IGSF9B: variants seen among roughly 807,000 people sequenced by gnomAD.
IGSF9B encodes immunoglobulin superfamily member 9B.
In IGSF9B, 48 loss-of-function variants were observed where a neutral mutation model predicts 143.7. The observed-to-expected ratio is 0.33, with a 90% CI of 0.26 to 0.42. The LOEUF (loss-of-function observed/expected upper bound fraction) is 0.42, where lower values mean the gene tolerates loss of function less well. IGSF9B is among the 20% of genes least tolerant of loss of function. The pLI is 1.00. For missense variants in IGSF9B, 1,706 were observed against 1,980.0 expected (o/e 0.86, Z 2.63); for synonymous variants, 903 against 833.1 (o/e 1.08, Z -1.44).
At chr11:133,930,774 C>T (rs886950878) in intron 11 of IGSF9B, among the ~76,000 whole-genome samples, 3 of 152,244 alleles carry the variant, frequency 2.0e-5, no homozygotes, top group Non-Finnish European at 4.4e-5. Context: ...AAAGACCTCC[C>T]TGAGGACAGG....
chr11:133,909,225 G>C lies in IGSF9B; in HGVS notation c.4158C>G (p.Pro1386=), dbSNP rs952425476. ...TCTTTCGGAGGCAGACAGCTTCATC[G>C]GGCCACAGAACCTGAGAGTTGGGAA... The part of the protein sequence containing the change: ...QQLPNSQVLW[P]DEAVCLRKKK... Residue 1386 remains proline (P), a synonymous_variant, in exon 20 of 20, where the codon CCC becomes CCG. Transcript: ENST00000533871. The surrounding 1 kb of genome is among the most constrained non-coding windows in gnomAD (Gnocchi z 4.2). The C allele has an allele frequency of 9.8e-6, 15 of 1,535,744 alleles. No homozygotes were observed. The highest frequency in any genetic ancestry group is 1.7e-4 in the Middle Eastern group (1 of 6,002).
chr11:133,900,931 G>A lies in IGSF9B; in HGVS notation c.*8138C>T, dbSNP rs186647914. Reference sequence around the variant, plus strand: ...GACAGGTGTCACCGTAGGTCCCTAGGTAGTCTCAACCACCCCCTTTCTAAT... The same window carrying A: ...GACAGGTGTCACCGTAGGTCCCTAGATAGTCTCAACCACCCCCTTTCTAAT... On this transcript the variant is annotated 3_prime_UTR_variant, in exon 20 of 20. Transcript: ENST00000533871. 11 of 152,304 alleles carry A rather than the reference G, an allele frequency of 7.2e-5. No homozygotes were observed. The highest frequency in any genetic ancestry group is 2.6e-4 in the African/African-American group (11 of 41,536). 9.4% of individuals were successfully genotyped at this position (152,304 alleles called of 1,614,324 possible). A position where few individuals can be genotyped will look rare whatever the true frequency, so the allele number is the denominator to read the frequency against.
intron 19 of IGSF9B, 48 bp downstream of exon 19, chr11:133,911,838 G>T (rs749792053): frequency 1.4e-6 from 2 of 1,458,220 alleles, no homozygotes; most frequent in Admixed American, 2.7e-5. Context: ...TCCTGACAAC[G>T]GCAAGGCAAG....
At chr11:133,922,443 G>T in intron 16 of IGSF9B, 126 bp downstream of exon 16, 2 of 1,057,338 alleles carry the variant, frequency 1.9e-6, no homozygotes, top group Non-Finnish European at 2.7e-6. Flanking sequence ...CTCACTGGCA[G>T]CTCTACCCAC....
Position 133,911,888 on chromosome 11 carries a change from G to A in IGSF9B, c.4103C>T (p.Ser1368Phe). 2 of 1,527,836 alleles carry A rather than the reference G, an allele frequency of 1.3e-6. No individual in the cohort carries two copies. Among genetic ancestry groups the A allele is most frequent in the East Asian group, 2.4e-5 (1 of 40,822 alleles). The allele number at this position is 1,527,836 out of a possible 1,614,324, so 94.6% of individuals were successfully genotyped here. A position where few individuals can be genotyped will look rare whatever the true frequency, so the allele number is the denominator to read the frequency against. ...GCGGGCCACTGCCCATCATTTACCGGATCGTTTCTTTGACTTCGAAGAGCC... is the reference window on the plus strand; with the variant it reads ...GCGGGCCACTGCCCATCATTTACCGAATCGTTTCTTTGACTTCGAAGAGCC... ...SKGSSKSKKRSDDSASQTQQL... is the reference protein window; with the variant it reads ...SKGSSKSKKRFDDSASQTQQL... The change falls in exon 19 of 20, where the codon TCC becomes TTC. Residue 1368 changes from serine (S) to phenylalanine (F), a missense_variant and splice_region_variant. Ser to Phe is a radical substitution (Grantham distance 155). Around this residue, in one of 7 missense-constraint regions of IGSF9B, gnomAD observed 880 missense variants for 762.9 expected, o/e 1.15. Coordinates refer to ENST00000533871, the MANE Select transcript of IGSF9B (RefSeq NM_001277285.4).
chr11:133,943,313 G>A (rs1027674113), intron 3 of IGSF9B, among the ~76,000 whole-genome samples: 2 of 152,142 alleles, frequency 1.3e-5, no homozygotes, highest in African/African-American at 4.8e-5. Flanking sequence ...AAAACAAAAC[G>A]AAATGTTTTT....
chr11:133,919,129 T>TGGGGGGGGGGGGTG, intron 18 of IGSF9B: 1 of 174,382 alleles, frequency 5.7e-6, no homozygotes, highest in Non-Finnish European at 1.1e-5. Flanking sequence ...GGGGGGGGGG[T>TGGGGGGGGGGGGTG]GGGGGACGTG....
In IGSF9B at chr11:133,902,586, A is replaced by ACACACACACACACC. The variant is rs1939156968; in HGVS notation, c.*6482_*6483insGGTGTGTGTGTGTG. On this transcript the variant is annotated 3_prime_UTR_variant, in exon 20 of 20. Transcript: ENST00000533871. ...ACACACCCCACACACACACACACAC[A>ACACACACACACACC]CCCCACTTACTTCCTGAATCCAGAA... Among the ~76,000 whole-genome samples, 3 of 111,094 alleles carry ACACACACACACACC rather than the reference A, an allele frequency of 2.7e-5. No homozygotes were observed. Among genetic ancestry groups the ACACACACACACACC allele is most frequent in the African/African-American group, 9.0e-5 (3 of 33,296 alleles). 72.9% of individuals were successfully genotyped at this position (111,094 alleles called of 152,430 possible).
intron 1 of IGSF9B, among the ~76,000 whole-genome samples, chr11:133,956,058 G>A (rs1269763312): frequency 6.6e-6 from 1 of 152,058 alleles, no homozygotes; most frequent in Non-Finnish European, 1.5e-5. Flanking sequence ...AGCCAAAAGC[G>A]GACACACCTC....
Position 133,904,967 on chromosome 11 carries a change from T to C in IGSF9B, c.*4102A>G, listed in dbSNP as rs1379686408. The stretch of plus-strand genomic sequence containing the variant: ...CACACTGCCTACTAGATCCACTTTA[T>C]ATGAAGAAGATACCCAGGCAGGGCT... On this transcript the variant is annotated 3_prime_UTR_variant, in exon 20 of 20. Transcript: ENST00000533871. Among the ~76,000 whole-genome samples the C allele has an allele frequency of 2.0e-5, 3 of 149,560 alleles. No homozygotes were observed. The highest frequency in any genetic ancestry group is 3.9e-4 in the East Asian group (2 of 5,124).
At position 133,921,286 on chromosome 11, in the gene IGSF9B, A is replaced by G. The variant is rs1263062822; in HGVS notation, c.2439T>C (p.Arg813=). The G allele has an allele frequency of 6.2e-7, 1 of 1,610,290 alleles. No individual in the cohort carries two copies. Among genetic ancestry groups the G allele is most frequent in the Non-Finnish European group, 8.5e-7 (1 of 1,178,506 alleles). ...TCTTGTACAGCGACAGCTCCTTCTCACGGGTGGGGCTCAGCATCCTCTTGG... is the reference window on the plus strand; with the variant it reads ...TCTTGTACAGCGACAGCTCCTTCTCGCGGGTGGGGCTCAGCATCCTCTTGG... ...PAAKRMLSPT[R]EKELSLYKKT... is the part of the protein sequence containing the mutation. The change falls in exon 18 of 20, where the codon CGT becomes CGC. Residue 813 remains arginine, a synonymous_variant. Transcript: ENST00000533871.
intron 4 of IGSF9B, 150 bp from the exon 5 acceptor site, chr11:133,937,643 C>A: frequency 9.5e-7 from 1 of 1,057,796 alleles, no homozygotes; most frequent in Non-Finnish European, 1.4e-6. Flanking sequence ...TGCCCCCTTG[C>A]CCATCTCCCG....
At position 133,936,316 on chromosome 11, in the gene IGSF9B, G is replaced by C. The variant is rs138386186; in HGVS notation, c.680-122C>G. ...CCTGAACACTGCGATGGGGGCGGCT[G>C]TCATGGAGACACTTCCAGATGCTAT... On this transcript the variant is annotated intron_variant, in intron 5 of 19. Coordinates refer to ENST00000533871, the MANE Select transcript of IGSF9B (RefSeq NM_001277285.4). 1.0e-3 allele frequency: 846 copies of C among 829,422 alleles called. 4 individuals carry two copies. The African/African-American group carries it at 0.011, about 11-fold the overall frequency. The allele number at this position is 829,422 out of a possible 1,614,324, so 51.4% of individuals were successfully genotyped here. A position where few individuals can be genotyped will look rare whatever the true frequency, so the allele number is the denominator to read the frequency against.
At chr11:133,918,483 G>A (rs753352949) in intron 18 of IGSF9B, among the ~76,000 whole-genome samples, 41 of 152,248 alleles carry the variant, frequency 2.7e-4, no homozygotes, top group Admixed American at 1.6e-3. Context: ...TGAGCTGAGC[G>A]CGCACAAAGC....
At position 133,953,825 on chromosome 11, in the gene IGSF9B, C is replaced by A. The variant is rs753797949; in HGVS notation, c.64+2866G>T. On this transcript the variant is annotated intron_variant, in intron 1 of 19. Coordinates refer to ENST00000533871, the MANE Select transcript of IGSF9B (RefSeq NM_001277285.4). This position sits in a 1 kb window ranked among gnomAD's most constrained non-coding sequence, Gnocchi z 4.2. Reference sequence around the variant, plus strand: ...GCAGCCGTCTGAGATACTGAGTGCACACCAATCACTGTCTTCCAGGTTCTG... The same window carrying A: ...GCAGCCGTCTGAGATACTGAGTGCAAACCAATCACTGTCTTCCAGGTTCTG... Among the ~76,000 whole-genome samples the A allele has an allele frequency of 3.3e-5, 5 of 152,138 alleles. No individual in the cohort carries two copies. The highest frequency in any genetic ancestry group is 6.5e-5 in the Admixed American group (1 of 15,274).
intron 1 of IGSF9B, among the ~76,000 whole-genome samples, chr11:133,952,777 G>A (rs578078112): frequency 1.1e-4 from 17 of 148,958 alleles, no homozygotes; most frequent in Non-Finnish European, 2.1e-4. Flanking sequence ...GTGTGTATGC[G>A]CACACACATG....
At chr11:133,934,180 G>A (rs1939782042) in intron 7 of IGSF9B, among the ~76,000 whole-genome samples, 1 of 152,116 alleles carries the variant, frequency 6.6e-6, no homozygotes, top group Admixed American at 6.5e-5. Context: ...GGAGAGACAG[G>A]GAAAACCAAA....
chr11:133,946,442 C>T lies in IGSF9B; in HGVS notation c.65-184G>A, dbSNP rs1940054348. ...CTCTCCCCCTCGCTGCTCATACCTCCCTCTGTCCTGGGGCCCCCAGGCATC... is the reference window on the plus strand; with the variant it reads ...CTCTCCCCCTCGCTGCTCATACCTCTCTCTGTCCTGGGGCCCCCAGGCATC... On this transcript the variant is annotated intron_variant, in intron 1 of 19. Coordinates refer to ENST00000533871, the MANE Select transcript of IGSF9B (RefSeq NM_001277285.4). 4.9e-6 allele frequency: 3 copies of T among 609,058 alleles called. No homozygotes were observed. In the East Asian group the frequency reaches 8.3e-5, roughly 17 times the overall value. The allele number at this position is 609,058 out of a possible 1,614,324, so 37.7% of individuals were successfully genotyped here. A position where few individuals can be genotyped will look rare whatever the true frequency, so the allele number is the denominator to read the frequency against.
At chr11:133,947,572 CG>C (rs1940076920) in intron 1 of IGSF9B, among the ~76,000 whole-genome samples, 1 of 152,222 alleles carries the variant, frequency 6.6e-6, no homozygotes. Flanking sequence ...TTCCCCATTC[CG>C]GTGCCTCGGT....
Sources: allele counts gnomAD v4.1 joint callset (sites outside exome capture counted in the v4.1 genomes callset), GRCh38; gene constraint gnomAD v4.1.1; regional missense constraint gnomAD v4.1.1; non-coding constraint Gnocchi (gnomAD v3.1); transcripts MANE v1.5; gene names NCBI Gene and HGNC (gene_info 2026-07-23, HGNC 2026-07-21).